The following RIMS2 variants were observed in gnomAD, a reference collection of about 807,000 sequenced individuals.
RIMS2 encodes regulating synaptic membrane exocytosis 2.
RIMS2 carries 59 observed loss-of-function variants against 174.4 expected under a neutral mutation model. That is an observed-to-expected ratio of 0.34 (90% CI 0.27 to 0.42). RIMS2 has a LOEUF of 0.42. RIMS2 is among the 10% of genes least tolerant of loss of function. The pLI is 1.00. For synonymous variants in RIMS2, 606 were observed against 572.5 expected, an observed-to-expected ratio of 1.06 and a Z score of -0.84; for missense variants, 1,620 against 1,666.3, an observed-to-expected ratio of 0.97 and a Z score of 0.48.
At chr8:103,931,509 T>G (rs935245058) in intron 12 of RIMS2, 116 bp downstream of exon 14, 4 of 653,332 alleles carry the variant, frequency 6.1e-6, no homozygotes, top group Non-Finnish European at 9.5e-6. Context: ...TATGTGAAGT[T>G]TAACATAAAC....
intron 19 of RIMS2, among the ~76,000 whole-genome samples, chr8:104,062,547 C>CT (rs2097020702): frequency 6.6e-6 from 1 of 152,118 alleles, no homozygotes; most frequent in South Asian, 2.1e-4. Context: ...ACTTAGTTCT[C>CT]TGTTGAAAGA....
chr8:103,590,010 C>G (rs918176135), intron 1 of RIMS2, among the ~76,000 whole-genome samples: 1 of 151,208 alleles, frequency 6.6e-6, no homozygotes, highest in Non-Finnish European at 1.5e-5. Flanking sequence ...ATAAGATCTA[C>G]TATTTTATGC....
chr8:103,696,877 A>AC, intron 1 of RIMS2, among the ~76,000 whole-genome samples: 1 of 151,054 alleles, frequency 6.6e-6, no homozygotes, highest in Non-Finnish European at 1.5e-5. Context: ...AAAAAAAAAA[A>AC]AAAAAAAAGA....
chr8:104,118,427 C>T (rs1599302209), intron 19 of RIMS2, among the ~76,000 whole-genome samples: 1 of 146,038 alleles, frequency 6.8e-6, no homozygotes, highest in South Asian at 2.2e-4. Flanking sequence ...AGTGTAGTGG[C>T]GCAATCTCAG....
intron 3 of RIMS2, among the ~76,000 whole-genome samples, chr8:103,816,618 A>C (rs1392164719): frequency 6.6e-6 from 1 of 152,208 alleles, no homozygotes; most frequent in Non-Finnish European, 1.5e-5. Flanking sequence ...GGGACATTTG[A>C]AACCTTAAGG....
intron 14 of RIMS2, among the ~76,000 whole-genome samples, chr8:103,945,398 T>G (rs1363224988): frequency 1.3e-5 from 2 of 152,078 alleles, no homozygotes; most frequent in Non-Finnish European, 2.9e-5. Flanking sequence ...TCAAATTCCT[T>G]GATAAGAAAG....
At chr8:103,578,048 G>C (rs1167319671) in intron 1 of RIMS2, among the ~76,000 whole-genome samples, 1 of 152,112 alleles carries the variant, frequency 6.6e-6, no homozygotes, top group Non-Finnish European at 1.5e-5. Flanking sequence ...ACAAGGAGTG[G>C]AAAGATTATT....
intron 3 of RIMS2, among the ~76,000 whole-genome samples, chr8:103,859,725 TG>T (rs1184229556): frequency 6.6e-6 from 1 of 152,038 alleles, no homozygotes; most frequent in Non-Finnish European, 1.5e-5. Context: ...GTTTACTTTT[TG>T]TTCTTGTATA....
In RIMS2 at chr8:103,904,028, C is replaced by G. The variant is rs79506930; in HGVS notation, c.1625-6106C>G. 1.3e-3 allele frequency among the ~76,000 whole-genome samples: 198 copies of G among 152,160 alleles called. 2 individuals are homozygous for G. The East Asian group carries it at 0.033, about 25-fold the overall frequency. ...ATATGGATTCATATAACCACCACTTCTATAAAGATGAAGAACTACTATATT... is the reference window on the plus strand; with the variant it reads ...ATATGGATTCATATAACCACCACTTGTATAAAGATGAAGAACTACTATATT... On this transcript the variant is annotated intron_variant, in intron 4 of 23. Coordinates refer to ENST00000504942, the Ensembl canonical transcript of RIMS2.
intron 2 of RIMS2, among the ~76,000 whole-genome samples, chr8:103,755,611 G>A (rs1564521700): frequency 6.6e-6 from 1 of 152,024 alleles, no homozygotes. Context: ...TTTACTTCTT[G>A]CAGGCTTTGT....
At chr8:103,771,206 A>G (rs552066641) in intron 3 of RIMS2, among the ~76,000 whole-genome samples, 1 of 152,304 alleles carries the variant, frequency 6.6e-6, no homozygotes, top group Non-Finnish European at 1.5e-5. Flanking sequence ...ATAAATTGCA[A>G]TTCTTTATCA....
At chr8:104,141,279 G>A (rs1410356533) in intron 19 of RIMS2, among the ~76,000 whole-genome samples, 2 of 151,982 alleles carry the variant, frequency 1.3e-5, no homozygotes, top group Non-Finnish European at 2.9e-5. Flanking sequence ...TGGAGGGAGA[G>A]GTCTATTATT....
At chr8:103,885,783 G>A (rs1178329044) in exon 4 of RIMS2, 2 of 1,612,944 alleles carry the variant, frequency 1.2e-6, no homozygotes, top group East Asian at 4.5e-5. Context: ...TCAAGGCAAA[G>A]ATCTATATCA....
At position 103,599,953 on chromosome 8, in the gene RIMS2, G is replaced by A. The variant is rs74892938; in HGVS notation, c.177-97133G>A. On this transcript the variant is annotated intron_variant, in intron 1 of 23. Transcript: ENST00000504942. ...TTACAATCAAATTATTTTGACTATA[G>A]TCACCCTGTTGTGCTATCAAATATG... 4.9e-3 allele frequency among the ~76,000 whole-genome samples: 738 copies of A among 152,018 alleles called. 4 individuals carry two copies. Among genetic ancestry groups the A allele is most frequent in the African/African-American group, 0.017 (713 of 41,454 alleles).
At chr8:104,001,418 A>T (rs2095383236) in intron 17 of RIMS2, among the ~76,000 whole-genome samples, 1 of 151,992 alleles carries the variant, frequency 6.6e-6, no homozygotes, top group Non-Finnish European at 1.5e-5. Context: ...ATTTTGCTAC[A>T]TATAAATGAA....
chr8:103,787,343 G>C (rs1039987488), intron 3 of RIMS2, among the ~76,000 whole-genome samples: 1 of 151,848 alleles, frequency 6.6e-6, no homozygotes, highest in African/African-American at 2.4e-5. Context: ...TTGCTCGTTA[G>C]TTGATGCAGT....
At position 104,093,644 on chromosome 8, in the gene RIMS2, G is replaced by T; in HGVS notation, c.3334+79029G>T. On this transcript the variant is annotated intron_variant, in intron 19 of 23. Coordinates refer to ENST00000504942, the Ensembl canonical transcript of RIMS2. The stretch of plus-strand genomic sequence containing the variant: ...GCCCAGGAGGAAACAAGAAAATCAG[G>T]TAAGGGGATTTCAACAACAAACTTC... 2.5e-6 allele frequency: 4 copies of T among 1,589,444 alleles called. No individual in the cohort carries two copies. Among genetic ancestry groups the T allele is most frequent in the Non-Finnish European group, 3.4e-6 (4 of 1,175,364 alleles).
intron 1 of RIMS2, among the ~76,000 whole-genome samples, chr8:103,600,814 A>G (rs1304966138): frequency 6.6e-6 from 1 of 152,166 alleles, no homozygotes; most frequent in Non-Finnish European, 1.5e-5. Context: ...ATTCTCACCC[A>G]CAGTGTATGA....
chr8:104,243,436 C>T (rs1356889610), intron 19 of RIMS2, among the ~76,000 whole-genome samples: 1 of 152,154 alleles, frequency 6.6e-6, no homozygotes, highest in Non-Finnish European at 1.5e-5. Context: ...CCTGTAATCC[C>T]AGCACTTTGG....
Sources: allele counts gnomAD v4.1 joint callset (sites outside exome capture counted in the v4.1 genomes callset), GRCh38; gene constraint gnomAD v4.1.1; transcripts MANE v1.5; gene names NCBI Gene and HGNC (gene_info 2026-07-23, HGNC 2026-07-21).